PLA2G4D: variants seen among roughly 807,000 people sequenced by gnomAD.
PLA2G4D encodes the protein cytosolic phospholipase A2 delta.
In PLA2G4D, 80 loss-of-function variants were observed where a neutral mutation model predicts 94.4. The ratio of observed to expected loss-of-function variants is 0.85; its 90% confidence interval spans 0.71 to 1.02. The LOEUF (loss-of-function observed/expected upper bound fraction) is 1.02, where lower values mean the gene tolerates loss of function less well. Ranked by LOEUF, PLA2G4D falls within the 50% of genes least tolerant of loss-of-function variation. The pLI, the probability that PLA2G4D is intolerant of heterozygous loss-of-function variation, is 0.00. For missense variants in PLA2G4D, 1,050 were observed against 1,034.7 expected (o/e 1.01, Z -0.20); for synonymous variants, 438 against 440.9 (o/e 0.99, Z 0.08).
chr15:42,071,917 G>A lies in PLA2G4D; in HGVS notation c.1436-6C>T. ...GGGGGAGAACTCAACCCACTCTAAT[G>A]GGGTGGGAAGGAGAGGCAGGAGTGT... On this transcript the variant is annotated splice_polypyrimidine_tract_variant and splice_region_variant and intron_variant, in intron 14 of 19. Coordinates refer to ENST00000290472, the MANE Select transcript of PLA2G4D (RefSeq NM_178034.4). 2 of 1,613,652 alleles carry A rather than the reference G, an allele frequency of 1.2e-6. No homozygotes were observed. The highest frequency in any genetic ancestry group is 1.1e-5 in the South Asian group (1 of 91,046).
chr15:42,079,808 G>T (rs1159272888), intron 12 of PLA2G4D, 49 bp from the exon 13 acceptor site: 9 of 1,554,980 alleles, frequency 5.8e-6, no homozygotes, highest in Non-Finnish European at 7.8e-6. Flanking sequence ...CCCAGCATGG[G>T]GCGCTGCAAC....
At chr15:42,070,551 G>T in intron 18 of PLA2G4D, 166 bp downstream of exon 18, 2 of 875,236 alleles carry the variant, frequency 2.3e-6, no homozygotes, top group Non-Finnish European at 3.4e-6. Flanking sequence ...CACCACCCCA[G>T]CCTTCCCACC....
chr15:42,073,517 G>C (rs932771331), intron 13 of PLA2G4D, among the ~76,000 whole-genome samples: 2 of 152,300 alleles, frequency 1.3e-5, no homozygotes, highest in Non-Finnish European at 2.9e-5. Context: ...TGTCAGCCCT[G>C]GGCTGTTTCT....
intron 1 of PLA2G4D, among the ~76,000 whole-genome samples, chr15:42,093,001 C>T (rs1021629204): frequency 6.6e-6 from 1 of 152,198 alleles, no homozygotes; most frequent in African/African-American, 2.4e-5. Flanking sequence ...TGGGCACAGC[C>T]CCAGGCCCTG....
chr15:42,071,874 C>A lies in PLA2G4D; in HGVS notation c.1473G>T (p.Leu491=). 6.2e-7 allele frequency: 1 copy of A among 1,614,186 alleles called. No homozygotes were observed. Among genetic ancestry groups the A allele is most frequent in the Non-Finnish European group, 8.5e-7 (1 of 1,180,010 alleles). ...VEFSPYEVGF[L]KYGAFVPPEL... ...CAGGAGGGACGAAGGCCCCGTACTT[C>A]AGGAAACCGACCTCATAGGGGGAGA... Residue 491 remains leucine (L), a synonymous_variant, in exon 15 of 20, where the codon CTG becomes CTT. Coordinates refer to ENST00000290472, the MANE Select transcript of PLA2G4D (RefSeq NM_178034.4).
chr15:42,069,027 T>A, intron 19 of PLA2G4D, 86 bp from the exon 20 acceptor site: 1 of 1,225,078 alleles, frequency 8.2e-7, no homozygotes, highest in Non-Finnish European at 1.1e-6. Flanking sequence ...CTGCCCCCGC[T>A]GGAGGGGCCC....
rs115227908 is a variant in PLA2G4D, at chr15:42,092,385, C to A, written c.45+2030G>T. On this transcript the variant is annotated intron_variant, in intron 1 of 19. Coordinates refer to ENST00000290472, the MANE Select transcript of PLA2G4D (RefSeq NM_178034.4). The stretch of plus-strand genomic sequence containing the variant: ...AAAGCATGCAACTCTTCCCTCATTG[C>A]CCCACGGATATCTAGGATATCTAGA... Among the ~76,000 whole-genome samples, 771 of 152,238 alleles carry A rather than the reference C, an allele frequency of 5.1e-3. 7 individuals are homozygous for A. The highest frequency in any genetic ancestry group is 0.018 in the African/African-American group (750 of 41,518).
At chr15:42,075,099 C>G (rs1889892686) in intron 13 of PLA2G4D, among the ~76,000 whole-genome samples, 1 of 152,098 alleles carries the variant, frequency 6.6e-6, no homozygotes, top group Non-Finnish European at 1.5e-5. Flanking sequence ...AATTTTTTAA[C>G]TTTTTGTAGA....
chr15:42,087,360 G>A lies in PLA2G4D; in HGVS notation c.195C>T (p.Thr65=), dbSNP rs140617872. The change falls in exon 3 of 20, where the codon ACC becomes ACT. Residue 65 remains threonine (T), a synonymous_variant. Transcript: ENST00000290472. ...PGMKFKTKTL[T]DTSHPVWNEA... is the part of the protein sequence containing the mutation. ...CATTCCACACAGGATGACTGGTGTC[G>A]GTGAGCGTCTTGGTCTTAAACTTCA... 2,063 of 1,614,174 alleles carry A rather than the reference G, an allele frequency of 1.3e-3. 2 individuals carry two copies. Among genetic ancestry groups the A allele is most frequent in the Non-Finnish European group, 1.6e-3 (1,927 of 1,180,022 alleles).
Position 42,087,630 on chromosome 15 carries a change from A to T in PLA2G4D, c.116T>A (p.Leu39Gln), listed in dbSNP as rs1890176365. 6.2e-7 allele frequency: 1 copy of T among 1,613,972 alleles called. No homozygotes were observed. Residue 39 changes from leucine (L) to glutamine (Q), a missense_variant and splice_region_variant, in exon 2 of 20, where the codon CTG becomes CAG. Physicochemically the swap from Leu to Gln is moderately radical, Grantham distance 113. Coordinates refer to ENST00000290472, the MANE Select transcript of PLA2G4D (RefSeq NM_178034.4). ...GAGCGCACAGGGCGGTTACTCACAC[A>T]GGTCAGCCCAGCGCAGGTTCCGCGC... ...LEARNLRWAD[L>Q]LSEADPYVIL... is the part of the protein sequence containing the mutation.
At chr15:42,085,342 G>T in intron 5 of PLA2G4D, 149 bp downstream of exon 5, 1 of 1,064,386 alleles carries the variant, frequency 9.4e-7, no homozygotes, top group Non-Finnish European at 1.4e-6. Flanking sequence ...GTTTCCCTAA[G>T]AGAAGCCCCG....
intron 18 of PLA2G4D, 94 bp downstream of exon 18, chr15:42,070,623 C>G (rs2459692): frequency 0.81 from 1,113,455 of 1,377,950 alleles, 450,987 homozygotes; most frequent in Admixed American, 0.86. Context: ...TTCGGGACCC[C>G]GGCGGTGTGG....
At chr15:42,094,275 T>C in intron 1 of PLA2G4D, 140 bp downstream of exon 1, 1 of 712,874 alleles carries the variant, frequency 1.4e-6, no homozygotes, top group Admixed American at 2.5e-5. Context: ...CCCCACCCAC[T>C]CTGCATCCCA....
chr15:42,070,689 AG>A, intron 18 of PLA2G4D, 27 bp downstream of exon 18: 1 of 1,546,020 alleles, frequency 6.5e-7, no homozygotes, highest in Non-Finnish European at 8.7e-7. Flanking sequence ...GGCTGGGCAG[AG>A]GGGTTCCCCT....
At position 42,086,194 on chromosome 15, in the gene PLA2G4D, T is replaced by TGCCCCCCCCCCCCCCCCCCC; in HGVS notation, c.387+18_387+19insGGGGGGGGGGGGGGGGGGGC. On this transcript the variant is annotated intron_variant, in intron 4 of 19. Transcript: ENST00000290472. ...GGAAGAAGTGGGGCCCACGGGGACT[T>TGCCCCCCCCCCCCCCCCCCC]CCCCACCCACCCACCCACCTGGGGA... The TGCCCCCCCCCCCCCCCCCCC allele has an allele frequency of 2.2e-6, 3 of 1,370,444 alleles. No individual in the cohort carries two copies. The highest frequency in any genetic ancestry group is 2.8e-4 in the Middle Eastern group (1 of 3,592). 84.9% of individuals were successfully genotyped at this position (1,370,444 alleles called of 1,614,324 possible). A position where few individuals can be genotyped will look rare whatever the true frequency, so the allele number is the denominator to read the frequency against.
chr15:42,070,565 G>A (rs1889783458), intron 18 of PLA2G4D, 152 bp downstream of exon 18: 1 of 1,006,408 alleles, frequency 9.9e-7, no homozygotes. Flanking sequence ...TCCCACCTAA[G>A]GACCCTGGCA....
rs760337700 is a variant in PLA2G4D, at chr15:42,082,360, G to T, written c.702C>A (p.Asp234Glu). Reference sequence around the variant, plus strand: ...GCACAGTGAGGTACCCAGCTGAGTTGTCCCCATTCCAGCCATTGCTTCTGG... The same window carrying T: ...GCACAGTGAGGTACCCAGCTGAGTTTTCCCCATTCCAGCCATTGCTTCTGG... Reference protein sequence around the residue: ...RSSRSNGWNGDNSAGYLTVPL... With the variant: ...RSSRSNGWNGENSAGYLTVPL... Residue 234 changes from aspartate (D) to glutamate (E), a missense_variant, in exon 9 of 20, where the codon GAC becomes GAA. Transcript: ENST00000290472. 6.2e-7 allele frequency: 1 copy of T among 1,614,084 alleles called. No individual in the cohort carries two copies. The highest frequency in any genetic ancestry group is 8.5e-7 in the Non-Finnish European group (1 of 1,180,004).
intron 1 of PLA2G4D, among the ~76,000 whole-genome samples, chr15:42,088,744 C>T (rs995129124): frequency 6.6e-6 from 1 of 152,082 alleles, no homozygotes; most frequent in Non-Finnish European, 1.5e-5. Flanking sequence ...GGCACGTGGC[C>T]CCAGCAGAAA....
intron 4 of PLA2G4D, 84 bp from the exon 5 acceptor site, chr15:42,085,615 T>A: frequency 7.1e-7 from 1 of 1,400,978 alleles, no homozygotes; most frequent in South Asian, 1.2e-5. Context: ...TGTCATCTCA[T>A]CCTCTCAAGC....
Sources: allele counts gnomAD v4.1 joint callset (sites outside exome capture counted in the v4.1 genomes callset), GRCh38; gene constraint gnomAD v4.1.1; transcripts MANE v1.5; gene names NCBI Gene and HGNC (gene_info 2026-07-23, HGNC 2026-07-21).